DPYSL2: variants seen among roughly 807,000 people sequenced by gnomAD.
DPYSL2 encodes dihydropyrimidinase like 2.
In DPYSL2, 13 loss-of-function variants were observed where a neutral mutation model predicts 69.9. The ratio of observed to expected loss-of-function variants is 0.19; its 90% CI spans 0.12 to 0.30. The LOEUF (loss-of-function observed/expected upper bound fraction) is 0.30, where lower values mean the gene tolerates loss of function less well. Ranked by LOEUF, DPYSL2 falls within the 10% of genes least tolerant of loss-of-function variation. The pLI, the probability that DPYSL2 is intolerant of heterozygous loss-of-function variation, is 1.00. For synonymous variants in DPYSL2, 326 were observed against 359.1 expected (o/e 0.91, Z 1.04); for missense variants, 587 against 918.9 (o/e 0.64, Z 4.67).
At chr8:26,540,454 A>G (rs181959962) in intron 1 of DPYSL2, among the ~76,000 whole-genome samples, 1 of 152,208 alleles carries the variant, frequency 6.6e-6, no homozygotes, top group Non-Finnish European at 1.5e-5. Flanking sequence ...TAAATAAATA[A>G]TGGCTGAAAA....
chr8:26,583,704 C>T lies in DPYSL2; in HGVS notation c.444-95C>T, dbSNP rs1801536792. 1.3e-5 allele frequency: 15 copies of T among 1,155,374 alleles called. No individual in the cohort carries two copies. In the South Asian group the frequency reaches 1.4e-4, roughly 11 times the overall value. The allele number at this position is 1,155,374 out of a possible 1,614,324, so 71.6% of individuals were successfully genotyped here. On this transcript the variant is annotated intron_variant, in intron 2 of 13. Coordinates refer to ENST00000521913, the MANE Select transcript of DPYSL2 (RefSeq NM_001197293.3). ...GATCTGAAAAGCCCACGGCACAGAG[C>T]GGAGGATAGTTTATAGGTTAGTGAA...
chr8:26,623,970 C>T, intron 3 of DPYSL2, 173 bp from the exon 4 acceptor site: 1 of 665,648 alleles, frequency 1.5e-6, no homozygotes, highest in Non-Finnish European at 2.5e-6. Context: ...TTTCTGCTTT[C>T]TCCCTCTTGG....
chr8:26,552,448 G>C (rs567415957), intron 1 of DPYSL2, among the ~76,000 whole-genome samples: 1 of 152,282 alleles, frequency 6.6e-6, no homozygotes, highest in Admixed American at 6.5e-5. Context: ...AAAACCAAAA[G>C]CTGATTCTTT....
intron 8 of DPYSL2, among the ~76,000 whole-genome samples, chr8:26,639,721 C>A (rs1802997821): frequency 6.6e-6 from 1 of 152,140 alleles, no homozygotes; most frequent in Non-Finnish European, 1.5e-5. Flanking sequence ...GCTACACACC[C>A]ACCTAGAACC....
intron 1 of DPYSL2, among the ~76,000 whole-genome samples, chr8:26,574,189 A>G (rs1237754026): frequency 6.6e-6 from 1 of 152,174 alleles, no homozygotes; most frequent in Admixed American, 6.5e-5. Flanking sequence ...GTAACATTTC[A>G]GTTGTTTCAG....
In DPYSL2 at chr8:26,582,807, G is replaced by C. The variant is rs992845427; in HGVS notation, c.443+750G>C. ...GCCAGTGACAGCTTTTAAATAAGCA[G>C]CATTCATCAAGGGATAGCTGTAAAC... is the stretch of plus-strand genomic sequence containing the variant. On this transcript the variant is annotated intron_variant, in intron 2 of 13. Coordinates refer to ENST00000521913, the MANE Select transcript of DPYSL2 (RefSeq NM_001197293.3). The surrounding 1 kb of genome is among the most constrained non-coding windows in gnomAD (Gnocchi z 4.1). Among the ~76,000 whole-genome samples, 2 of 152,212 alleles carry C rather than the reference G, an allele frequency of 1.3e-5. No individual in the cohort carries two copies. The highest frequency in any genetic ancestry group is 4.8e-5 in the African/African-American group (2 of 41,446).
chr8:26,636,606 C>A (rs1802921803), intron 8 of DPYSL2, among the ~76,000 whole-genome samples: 2 of 152,190 alleles, frequency 1.3e-5, no homozygotes, highest in African/African-American at 4.8e-5. Flanking sequence ...AGCCCTGCCG[C>A]AGGCCTCCTC....
At chr8:26,567,360 C>A (rs1801169317) in intron 1 of DPYSL2, among the ~76,000 whole-genome samples, 2 of 151,886 alleles carry the variant, frequency 1.3e-5, no homozygotes, top group South Asian at 4.2e-4. Context: ...ATCTGCCCAT[C>A]CATCCATCCA....
intron 7 of DPYSL2, among the ~76,000 whole-genome samples, chr8:26,631,580 A>T (rs60457067): frequency 0.02 from 3,108 of 152,286 alleles, 92 homozygotes; most frequent in African/African-American, 0.069. Flanking sequence ...TTTTTACGTG[A>T]TTAGGCCCAG....
chr8:26,563,263 T>G (rs1801101577), intron 1 of DPYSL2, among the ~76,000 whole-genome samples: 1 of 152,194 alleles, frequency 6.6e-6, no homozygotes, highest in African/African-American at 2.4e-5. Flanking sequence ...CCCAAAACAT[T>G]CCACCTCATC....
intron 1 of DPYSL2, among the ~76,000 whole-genome samples, chr8:26,547,475 A>C (rs149747601): frequency 1.3e-5 from 2 of 152,342 alleles, no homozygotes; most frequent in African/African-American, 4.8e-5. Context: ...CGGCAAATTG[A>C]AAGACAAAAA....
chr8:26,537,255 G>A (rs1233314078), intron 1 of DPYSL2, among the ~76,000 whole-genome samples: 1 of 152,076 alleles, frequency 6.6e-6, no homozygotes, highest in Non-Finnish European at 1.5e-5. Context: ...GAGAAGCTGA[G>A]GAATGGCTTT....
At chr8:26,651,106 C>G (rs774547707) in intron 11 of DPYSL2, among the ~76,000 whole-genome samples, 2 of 152,154 alleles carry the variant, frequency 1.3e-5, no homozygotes, top group Admixed American at 6.5e-5. Flanking sequence ...GTGCAGAGTC[C>G]TCTTCCCTCC....
chr8:26,523,475 C>T (rs1808423775), intron 1 of DPYSL2, among the ~76,000 whole-genome samples: 2 of 152,008 alleles, frequency 1.3e-5, no homozygotes, highest in Non-Finnish European at 2.9e-5. Context: ...CTCTTCATTC[C>T]CCTCTCCTCC....
chr8:26,578,349 AGGTC>A, intron 1 of DPYSL2: 1 of 1,605,446 alleles, frequency 6.2e-7, no homozygotes. Flanking sequence ...GTAGCACAGA[AGGTC>A]TAAGGAATTT....
rs1801750580 is a variant in DPYSL2, at chr8:26,592,466, T to TAAAGGGAAGATTGACTGTGGG, written c.628+8483_628+8484insAAAGGGAAGATTGACTGTGGG. On this transcript the variant is annotated intron_variant, in intron 3 of 13. Transcript: ENST00000521913. ...CTGTGCCTGTTTGGTACATTAGTTT[T>TAAAGGGAAGATTGACTGTGGG]TTTTTTTTTGTTTTTTTTTTTTTAT... 2.7e-5 allele frequency among the ~76,000 whole-genome samples: 3 copies of TAAAGGGAAGATTGACTGTGGG among 112,618 alleles called. No homozygotes were observed. The South Asian group carries it at 9.5e-4, about 36-fold the overall frequency. 73.9% of individuals were successfully genotyped at this position (112,618 alleles called of 152,430 possible).
rs140970961 is a variant in DPYSL2, at chr8:26,520,537, T to A, written c.354+5858T>A. Among the ~76,000 whole-genome samples the A allele has an allele frequency of 4.1e-3, 621 of 152,152 alleles. 3 individuals carry two copies. Among genetic ancestry groups the A allele is most frequent in the African/African-American group, 0.014 (593 of 41,534 alleles). Reference sequence around the variant, plus strand: ...AAAATGGACTGTTGATCTGTCTTTATGAATGTGCCCTAAATTGCTGACATT... The same window carrying A: ...AAAATGGACTGTTGATCTGTCTTTAAGAATGTGCCCTAAATTGCTGACATT... On this transcript the variant is annotated intron_variant, in intron 1 of 13. Transcript: ENST00000521913.
In DPYSL2 at chr8:26,652,952, C is replaced by T. The variant is rs1803308335; in HGVS notation, c.1777-280C>T. Among the ~76,000 whole-genome samples, 1 of 152,210 alleles carries T rather than the reference C, an allele frequency of 6.6e-6. No homozygotes were observed. The highest frequency in any genetic ancestry group is 2.1e-4 in the South Asian group (1 of 4,824). Reference sequence around the variant, plus strand: ...TGAACATGATACCAGATCCGCCTCACAGCATGCTTAGGGGATTCTTACAGG... The same window carrying T: ...TGAACATGATACCAGATCCGCCTCATAGCATGCTTAGGGGATTCTTACAGG... On this transcript the variant is annotated intron_variant, in intron 12 of 13. Coordinates refer to ENST00000521913, the MANE Select transcript of DPYSL2 (RefSeq NM_001197293.3). The surrounding 1 kb of genome is among the most constrained non-coding windows in gnomAD (Gnocchi z 6.3).
At chr8:26,636,993 C>T (rs544815963) in intron 8 of DPYSL2, among the ~76,000 whole-genome samples, 71 of 152,264 alleles carry the variant, frequency 4.7e-4, no homozygotes, top group African/African-American at 1.7e-3. Context: ...CTGCCCGCCT[C>T]GGTCTCCCAA....
Sources: allele counts gnomAD v4.1 joint callset (sites outside exome capture counted in the v4.1 genomes callset), GRCh38; gene constraint gnomAD v4.1.1; non-coding constraint Gnocchi (gnomAD v3.1); transcripts MANE v1.5; gene names NCBI Gene and HGNC (gene_info 2026-07-23, HGNC 2026-07-21).